GNA14: variants seen among roughly 807,000 people sequenced by gnomAD.
The protein encoded by GNA14 is G protein subunit alpha 14, also known as guanine nucleotide-binding protein subunit alpha-14.
Under a neutral mutation model 42.0 loss-of-function variants are expected in GNA14, and 50 were observed. That is an observed-to-expected ratio of 1.19 (90% CI 0.95 to 1.51). GNA14 has a LOEUF of 1.51. Ranked by LOEUF, GNA14 falls within the 40% of genes most tolerant of loss-of-function variation. GNA14 has a pLI of 0.00. For missense variants in GNA14, 473 were observed against 446.2 expected (o/e 1.06, Z -0.54); for synonymous variants, 173 against 163.1 (o/e 1.06, Z -0.46).
chr9:77,647,169 C>A (rs1000814563), intron 1 of GNA14, among the ~76,000 whole-genome samples: 2 of 152,200 alleles, frequency 1.3e-5, no homozygotes, highest in African/African-American at 4.8e-5. Flanking sequence ...TGTTTTAATT[C>A]TCTAGAATAG....
chr9:77,568,471 G>A (rs542770511), intron 1 of GNA14, among the ~76,000 whole-genome samples: 1 of 145,448 alleles, frequency 6.9e-6, no homozygotes, highest in South Asian at 2.2e-4. Context: ...CAGCCTGGGT[G>A]ACAGAGAGAG....
chr9:77,426,306 T>C (rs952678419), intron 5 of GNA14, among the ~76,000 whole-genome samples: 1 of 148,998 alleles, frequency 6.7e-6, no homozygotes, highest in African/African-American at 2.5e-5. Context: ...TTCAGAACTT[T>C]TTTTTTTTTC....
At chr9:77,503,303 T>A (rs937655226) in intron 2 of GNA14, among the ~76,000 whole-genome samples, 2 of 152,126 alleles carry the variant, frequency 1.3e-5, no homozygotes, top group East Asian at 3.9e-4. Flanking sequence ...TGCACATCAG[T>A]CTTTATGGGC....
chr9:77,616,208 G>A (rs537017855), intron 1 of GNA14, among the ~76,000 whole-genome samples: 15 of 152,286 alleles, frequency 9.8e-5, no homozygotes, highest in African/African-American at 3.4e-4. Flanking sequence ...AGAGATCAAG[G>A]ACATCAACAT....
chr9:77,581,327 G>A (rs1410497476), intron 1 of GNA14, among the ~76,000 whole-genome samples: 3 of 152,206 alleles, frequency 2.0e-5, no homozygotes, highest in Non-Finnish European at 4.4e-5. Flanking sequence ...TGACAGCATA[G>A]AGTCCATAGC....
chr9:77,611,852 G>A (rs1229783596), intron 1 of GNA14, among the ~76,000 whole-genome samples: 1 of 151,992 alleles, frequency 6.6e-6, no homozygotes, highest in African/African-American at 2.4e-5. Context: ...TTAGCTTTTG[G>A]GTTTCTACAC....
chr9:77,525,909 T>TTTAAA (rs1491441006), intron 2 of GNA14, among the ~76,000 whole-genome samples: 2 of 141,510 alleles, frequency 1.4e-5, no homozygotes, highest in Non-Finnish European at 1.5e-5. Flanking sequence ...GGACTTTTTT[T>TTTAAA]AAAAAAAAAA....
intron 2 of GNA14, among the ~76,000 whole-genome samples, chr9:77,460,674 G>A (rs755475964): frequency 1.2e-4 from 18 of 152,130 alleles, no homozygotes; most frequent in Non-Finnish European, 2.5e-4. Context: ...GAGTACGCAG[G>A]AAGCAAAGAG....
chr9:77,535,809 C>T (rs925324975), intron 1 of GNA14, among the ~76,000 whole-genome samples: 5 of 151,930 alleles, frequency 3.3e-5, no homozygotes, highest in African/African-American at 1.2e-4. Flanking sequence ...CTCTGGGGCC[C>T]TTCAAAGGGG....
chr9:77,633,315 A>G (rs1824128119), intron 1 of GNA14, among the ~76,000 whole-genome samples: 1 of 152,118 alleles, frequency 6.6e-6, no homozygotes, highest in Non-Finnish European at 1.5e-5. Context: ...GACCAGCAGA[A>G]AAGAGTGTTG....
chr9:77,462,651 G>T (rs540249612), intron 2 of GNA14, among the ~76,000 whole-genome samples: 70 of 149,170 alleles, frequency 4.7e-4, no homozygotes, highest in African/African-American at 1.7e-3. Context: ...AACCTGGGAG[G>T]TGGAGGTTGC....
chr9:77,435,375 A>C (rs1347675901), intron 2 of GNA14, among the ~76,000 whole-genome samples: 1 of 152,026 alleles, frequency 6.6e-6, no homozygotes, highest in Non-Finnish European at 1.5e-5. Context: ...AAAATATATT[A>C]ATAATAATTG....
intron 2 of GNA14, among the ~76,000 whole-genome samples, chr9:77,479,725 T>C (rs533432494): frequency 4.6e-5 from 7 of 152,340 alleles, no homozygotes; most frequent in African/African-American, 9.6e-5. Context: ...TTTTATTTCA[T>C]TGAGCAGTGG....
At chr9:77,547,466 T>A (rs1306734273) in intron 1 of GNA14, among the ~76,000 whole-genome samples, 1 of 152,240 alleles carries the variant, frequency 6.6e-6, no homozygotes, top group Non-Finnish European at 1.5e-5. Flanking sequence ...GCCTTTGCTG[T>A]CGTAATAACG....
chr9:77,467,920 G>A (rs933926090), intron 2 of GNA14, among the ~76,000 whole-genome samples: 1 of 152,046 alleles, frequency 6.6e-6, no homozygotes, highest in African/African-American at 2.4e-5. Context: ...CACACTCAGG[G>A]GCCCCAGATT....
intron 1 of GNA14, among the ~76,000 whole-genome samples, chr9:77,595,708 T>C (rs1272943903): frequency 6.6e-6 from 1 of 152,160 alleles, no homozygotes; most frequent in Non-Finnish European, 1.5e-5. Flanking sequence ...TTGACAGGCA[T>C]GTGAATAGGA....
intron 2 of GNA14, among the ~76,000 whole-genome samples, chr9:77,513,620 G>A (rs1837204566): frequency 6.6e-6 from 1 of 152,180 alleles, no homozygotes; most frequent in African/African-American, 2.4e-5. Flanking sequence ...AGGAGGCACA[G>A]CAATTGCATG....
At chr9:77,589,612 T>G (rs1451749916) in intron 1 of GNA14, among the ~76,000 whole-genome samples, 2 of 152,028 alleles carry the variant, frequency 1.3e-5, no homozygotes, top group Non-Finnish European at 2.9e-5. Flanking sequence ...CCTCTGAGAG[T>G]AGCTGGATAT....
At chr9:77,479,188 T>G (rs1055389360) in intron 2 of GNA14, among the ~76,000 whole-genome samples, 4 of 152,220 alleles carry the variant, frequency 2.6e-5, no homozygotes, top group African/African-American at 9.6e-5. Flanking sequence ...CCATGTTGAA[T>G]TAATTTTTGT....
Sources: gnomAD v4.1 joint callset for allele counts (sites outside exome capture counted in the v4.1 genomes callset) on GRCh38, gnomAD v4.1.1 for gene constraint, MANE v1.5 for transcripts, NCBI Gene and HGNC (gene_info 2026-07-23, HGNC 2026-07-21) for gene names.